WDFY3: variants seen among roughly 807,000 people sequenced by gnomAD.
The protein encoded by WDFY3 is WD repeat and FYVE domain containing 3.
Under a neutral mutation model 409.6 loss-of-function variants are expected in WDFY3, and 66 were observed. The observed-to-expected ratio is 0.16, with a 90% CI of 0.13 to 0.20. The LOEUF is 0.20. WDFY3 is among the 10% of genes least tolerant of loss of function. The probability of loss-of-function intolerance (pLI) is 1.00; values close to 1 mark genes in which losing one functional copy is unlikely to be tolerated. For missense variants in WDFY3, 3,031 were observed against 4,298.1 expected (o/e 0.71, Z 8.24); for synonymous variants, 1,521 against 1,537.1 (o/e 0.99, Z 0.25).
intron 44 of WDFY3, among the ~76,000 whole-genome samples, chr4:84,727,631 A>C (rs1195682554): frequency 6.6e-6 from 1 of 152,218 alleles, no homozygotes; most frequent in African/African-American, 2.4e-5. Flanking sequence ...ATGTGGCTTC[A>C]TGTAAGCACA....
At position 84,740,296 on chromosome 4, in the gene WDFY3, A is replaced by G; in HGVS notation, c.6355T>C (p.Ser2119Pro). 1.2e-6 allele frequency: 2 copies of G among 1,614,082 alleles called. No individual in the cohort carries two copies. The highest frequency in any genetic ancestry group is 1.7e-6 in the Non-Finnish European group (2 of 1,180,012). The change falls in exon 39 of 68, where the codon TCA becomes CCA. Residue 2119 changes from serine to proline, a missense_variant. Ser to Pro is a moderately conservative substitution (Grantham distance 74). This residue lies in a region of WDFY3 where 314 missense variants were observed against 397.4 expected (regional missense o/e 0.79). Transcript: ENST00000295888. ...CTGTTTACAGTGAGGACCCTGAGTG[A>G]ATCAAGCAGAGCTACTTGCTGAGGA... ...TVPQQVALLD[S>P]LRVLTVNRNL...
At chr4:84,697,874 T>C (rs1730387152) in intron 56 of WDFY3, among the ~76,000 whole-genome samples, 1 of 152,244 alleles carries the variant, frequency 6.6e-6, no homozygotes, top group Non-Finnish European at 1.5e-5. Flanking sequence ...CTCCCTTAGA[T>C]ACAATCTTGC....
intron 38 of WDFY3, among the ~76,000 whole-genome samples, chr4:84,741,176 C>T (rs1278601723): frequency 6.6e-6 from 1 of 152,102 alleles, no homozygotes; most frequent in Non-Finnish European, 1.5e-5. Context: ...CAGTACAAAC[C>T]TACCAAACTG....
In WDFY3 at chr4:84,794,661, TGGA is replaced by T. The variant is rs1749066835; in HGVS notation, c.3342_3344del (p.Pro1115del). 7 of 1,614,014 alleles carry T rather than the reference TGGA, an allele frequency of 4.3e-6. No individual in the cohort carries two copies. The highest frequency in any genetic ancestry group is 1.6e-4 in the Middle Eastern group (1 of 6,062). On this transcript the variant is annotated inframe_deletion, in exon 21 of 68. Coordinates refer to ENST00000295888, the MANE Select transcript of WDFY3 (RefSeq NM_014991.6). ...TAAGAAGTCTGACAGGGTGGTTATT[TGGA>T]GGAGAACTAAAATGTTCAATACAAA...
intron 26 of WDFY3, among the ~76,000 whole-genome samples, chr4:84,779,558 ACATGCCACCATGC>A (rs1008189770): frequency 6.6e-6 from 1 of 152,098 alleles, no homozygotes; most frequent in Non-Finnish European, 1.5e-5. Flanking sequence ...GATTACAGGC[ACATGCCACCATGC>A]CTGGCTAATT....
intron 24 of WDFY3, among the ~76,000 whole-genome samples, chr4:84,784,058 T>C (rs1747048452): frequency 6.6e-6 from 1 of 152,202 alleles, no homozygotes; most frequent in Non-Finnish European, 1.5e-5. Context: ...CTTATCTTAC[T>C]GTGACCACTT....
At position 84,827,005 on chromosome 4, in the gene WDFY3, T is replaced by C. The variant is rs963755600; in HGVS notation, c.957-24A>G. The C allele has an allele frequency of 3.8e-6, 6 of 1,590,804 alleles. No homozygotes were observed. In the African/African-American group the frequency reaches 6.8e-5, roughly 18 times the overall value. On this transcript the variant is annotated intron_variant, in intron 9 of 67. Coordinates refer to ENST00000295888, the MANE Select transcript of WDFY3 (RefSeq NM_014991.6). ...ATCTAGAAAAGTATGATTTAGAAAG[T>C]ATTTTTTTTCTCTTTGGTTGTGTTC...
At chr4:84,794,445 C>T (rs1749028736) in intron 21 of WDFY3, 74 bp downstream of exon 21, 3 of 1,390,482 alleles carry the variant, frequency 2.2e-6, no homozygotes, top group Non-Finnish European at 3.0e-6. Context: ...ATTAGCTGGA[C>T]TTTTAAAATA....
Position 84,810,250 on chromosome 4 carries a change from A to G in WDFY3, c.1982T>C (p.Met661Thr). ...GGGTGGACAGCTCAAAGATCTTTCC[A>G]TAGCAACGAGCAAGGATGTAATGTA... is the stretch of plus-strand genomic sequence containing the variant. ...FVYITSLLVA[M>T]ERSLSCPPKN... Residue 661 changes from methionine (M) to threonine (T), a missense_variant, in exon 14 of 68, where the codon ATG (methionine) becomes ACG (threonine). Met to Thr is a moderately conservative substitution (Grantham distance 81, BLOSUM62 -1). This residue lies in a region of WDFY3 where 1,322 missense variants were observed against 1,697.9 expected (regional missense o/e 0.78). Transcript: ENST00000295888. 6.2e-7 allele frequency: 1 copy of G among 1,614,116 alleles called. No individual in the cohort carries two copies. The highest frequency in any genetic ancestry group is 8.5e-7 in the Non-Finnish European group (1 of 1,180,006).
At position 84,955,604 on chromosome 4, in the gene WDFY3, T is replaced by A. The variant is rs148623246; in HGVS notation, c.-226+10605A>T. Among the ~76,000 whole-genome samples, 37 of 152,308 alleles carry A rather than the reference T, an allele frequency of 2.4e-4. No individual in the cohort carries two copies. The East Asian group carries it at 6.2e-3, about 25-fold the overall frequency. ...TTATTGTACTATAGTTATAAGATAT[T>A]ACTAATGGGGAAAGAAAGATAGGTG... is the stretch of plus-strand genomic sequence containing the variant. On this transcript the variant is annotated intron_variant, in intron 1 of 67. Transcript: ENST00000295888.
At chr4:84,691,555 C>T in intron 60 of WDFY3, 76 bp downstream of exon 60, 1 of 1,502,498 alleles carries the variant, frequency 6.7e-7, no homozygotes, top group Non-Finnish European at 9.0e-7. Flanking sequence ...GGGTTCTCCC[C>T]AACCCTATTA....
chr4:84,691,521 G>A, intron 60 of WDFY3, 110 bp downstream of exon 60: 1 of 1,199,678 alleles, frequency 8.3e-7, no homozygotes, highest in Non-Finnish European at 1.2e-6. Context: ...GGCTTTGGAG[G>A]AACAGCTGAC....
intron 49 of WDFY3, among the ~76,000 whole-genome samples, 177 bp from the exon 50 acceptor site, chr4:84,715,560 G>A (rs1284714475): frequency 6.6e-6 from 1 of 151,980 alleles, no homozygotes; most frequent in African/African-American, 2.4e-5. Flanking sequence ...GGATCACAAG[G>A]TCAGGAGATC....
intron 54 of WDFY3, among the ~76,000 whole-genome samples, chr4:84,704,832 T>A (rs1731651957): frequency 6.6e-6 from 1 of 152,206 alleles, no homozygotes; most frequent in African/African-American, 2.4e-5. Context: ...TGTTAAGCAC[T>A]TTTATGTATT....
At chr4:84,865,685 C>T (rs1400049798) in intron 3 of WDFY3, among the ~76,000 whole-genome samples, 1 of 152,190 alleles carries the variant, frequency 6.6e-6, no homozygotes, top group East Asian at 1.9e-4. Flanking sequence ...CCAAGTTGAG[C>T]CGAGTCTCTC....
Position 84,672,861 on chromosome 4 carries a change from T to A in WDFY3, c.*7A>T. On this transcript the variant is annotated 3_prime_UTR_variant, in exon 68 of 68. Coordinates refer to ENST00000295888, the MANE Select transcript of WDFY3 (RefSeq NM_014991.6). The stretch of plus-strand genomic sequence containing the variant: ...AGACCATGGTCTCCACTCAGCTTGT[T>A]GAATCTTCAACAATTTCGAGGCCCA... The A allele has an allele frequency of 6.2e-7, 1 of 1,614,028 alleles. No individual in the cohort carries two copies. The highest frequency in any genetic ancestry group is 1.3e-5 in the African/African-American group (1 of 75,044).
At chr4:84,891,119 T>TC (rs1764892826) in intron 3 of WDFY3, among the ~76,000 whole-genome samples, 1 of 152,206 alleles carries the variant, frequency 6.6e-6, no homozygotes, top group Non-Finnish European at 1.5e-5. Context: ...AGTCTCCTGA[T>TC]CCACACAGAC....
chr4:84,696,452 A>G (rs1730162059), intron 57 of WDFY3, among the ~76,000 whole-genome samples: 1 of 152,122 alleles, frequency 6.6e-6, no homozygotes, highest in South Asian at 2.1e-4. Context: ...GTTCTATTTT[A>G]TTACTATTCT....
At chr4:84,915,205 C>T (rs1323702710) in intron 2 of WDFY3, among the ~76,000 whole-genome samples, 1 of 152,114 alleles carries the variant, frequency 6.6e-6, no homozygotes, top group African/African-American at 2.4e-5. Flanking sequence ...CTAATGGGTA[C>T]AGAGCTTCTG....
Sources: allele counts gnomAD v4.1 joint callset (sites outside exome capture counted in the v4.1 genomes callset), GRCh38; gene constraint gnomAD v4.1.1; regional missense constraint gnomAD v4.1.1; transcripts MANE v1.5; gene names NCBI Gene and HGNC (gene_info 2026-07-23, HGNC 2026-07-21).